The following NAA38 variants were observed in gnomAD, a reference collection of about 807,000 sequenced individuals.
The protein encoded by NAA38 is LSM domain containing 1.
In NAA38, 15 loss-of-function variants were observed where a neutral mutation model predicts 12.6. The observed-to-expected ratio is 1.19, with a 90% CI of 0.79 to 1.83. The LOEUF is 1.83. NAA38 is among the 40% of genes most tolerant of loss of function. NAA38 has a pLI of 0.00. For synonymous variants in NAA38, 88 were observed against 69.9 expected, an observed-to-expected ratio of 1.26 and a Z score of -1.29; for missense variants, 183 against 171.7, an observed-to-expected ratio of 1.07 and a Z score of -0.37.
intron 2 of NAA38, among the ~76,000 whole-genome samples, chr17:7,870,717 A>G (rs1390472147): frequency 6.6e-6 from 1 of 151,942 alleles, no homozygotes; most frequent in Non-Finnish European, 1.5e-5. Flanking sequence ...CCCGGTCTCT[A>G]CTAAAAAAAA....
At chr17:7,874,870 A>G (rs1481226082) in intron 2 of NAA38, among the ~76,000 whole-genome samples, 2 of 125,746 alleles carry the variant, frequency 1.6e-5, no homozygotes, top group Non-Finnish European at 3.3e-5. Flanking sequence ...CGGCAATAAG[A>G]GCAAAACTCC....
chr17:7,873,669 G>A (rs1416049027), intron 2 of NAA38, among the ~76,000 whole-genome samples: 2 of 131,918 alleles, frequency 1.5e-5, no homozygotes, highest in African/African-American at 5.1e-5. Context: ...GAAGGTGGCA[G>A]GGGTGAGACT....
chr17:7,873,461 A>T (rs1220057210), intron 2 of NAA38, among the ~76,000 whole-genome samples: 1 of 152,218 alleles, frequency 6.6e-6, no homozygotes, highest in Non-Finnish European at 1.5e-5. Context: ...AGGGAAGTAG[A>T]CACTGAGGGC....
intron 2 of NAA38, among the ~76,000 whole-genome samples, chr17:7,881,681 G>T (rs1292307073): frequency 6.6e-6 from 1 of 150,476 alleles, no homozygotes; most frequent in Non-Finnish European, 1.5e-5. Context: ...CTAAAGGGAG[G>T]CAAGGGAAAA....
At position 7,856,804 on chromosome 17, in the gene NAA38, G is replaced by A; in HGVS notation, c.305C>T (p.Ala102Val). The A allele has an allele frequency of 6.2e-7, 1 of 1,613,964 alleles. No individual in the cohort carries two copies. The highest frequency in any genetic ancestry group is 8.5e-7 in the Non-Finnish European group (1 of 1,180,026). Residue 102 changes from alanine (A) to valine (V), a missense_variant, in exon 3 of 3, where the codon GCC becomes GTC. By Grantham distance (64) the Ala-to-Val change is moderately conservative. Transcript: ENST00000575771. ...SAGEPRVLGLAMVPGHHIVSI... is the reference protein window; with the variant it reads ...SAGEPRVLGLVMVPGHHIVSI... ...AACGATGTGGTGTCCGGGTACCATG[G>A]CCAGGCCCAGCACACGGGGCTCCCC...
intron 2 of NAA38, among the ~76,000 whole-genome samples, chr17:7,868,784 A>G (rs1339442395): frequency 6.6e-6 from 1 of 152,212 alleles, no homozygotes; most frequent in Non-Finnish European, 1.5e-5. Flanking sequence ...TCCAGGTAAC[A>G]TCTCTCATGA....
intron 2 of NAA38, among the ~76,000 whole-genome samples, chr17:7,873,349 C>A (rs1032659268): frequency 2.0e-5 from 3 of 152,036 alleles, no homozygotes; most frequent in African/African-American, 7.3e-5. Context: ...AGGGGGTGGT[C>A]AAGTGAAGAA....
chr17:7,880,731 C>T (rs1967257396), intron 2 of NAA38, among the ~76,000 whole-genome samples: 1 of 152,180 alleles, frequency 6.6e-6, no homozygotes, highest in South Asian at 2.1e-4. Context: ...CTTTTTAGTA[C>T]TACCGGTGCT....
chr17:7,858,431 A>G (rs2078852143), upstream of NAA38: 1 of 1,614,146 alleles, frequency 6.2e-7, no homozygotes, highest in Non-Finnish European at 8.5e-7. Context: ...CCATCGTGGA[A>G]GTTGCAGGCC....
At chr17:7,863,271 C>T (rs1175049052) in intron 3 of NAA38, 1 of 152,142 alleles carries the variant, frequency 6.6e-6, no homozygotes, top group East Asian at 1.9e-4. Context: ...TAGCCTAAAA[C>T]CCAGAAAGCA....
At chr17:7,870,939 C>G (rs1285615036) in intron 2 of NAA38, among the ~76,000 whole-genome samples, 1 of 151,794 alleles carries the variant, frequency 6.6e-6, no homozygotes, top group East Asian at 1.9e-4. Context: ...GTTGCCCAGG[C>G]TGATCTTGAA....
At chr17:7,868,359 G>A (rs1438365996) in intron 2 of NAA38, among the ~76,000 whole-genome samples, 1 of 152,204 alleles carries the variant, frequency 6.6e-6, no homozygotes, top group Non-Finnish European at 1.5e-5. Flanking sequence ...CAAACAGCAG[G>A]TCATGGTGGC....
chr17:7,874,430 AG>A (rs1379465623), intron 2 of NAA38, among the ~76,000 whole-genome samples: 1 of 152,194 alleles, frequency 6.6e-6, no homozygotes, highest in Non-Finnish European at 1.5e-5. Flanking sequence ...AGATGATGGC[AG>A]GACTAAGCCA....
At chr17:7,860,778 G>C (rs2078877334), upstream of NAA38, 2 of 152,238 alleles carry the variant, frequency 1.3e-5, no homozygotes, top group African/African-American at 4.8e-5. Context: ...GGAAGGCTAA[G>C]TGTCAGTTAA....
At chr17:7,866,149 C>T (rs1315920191) in intron 3 of NAA38, 26 of 169,858 alleles carry the variant, frequency 1.5e-4, no homozygotes, top group African/African-American at 2.0e-4. Context: ...TGCAGCGGCA[C>T]GATCTCGGCT....
At position 7,857,555 on chromosome 17, in the gene NAA38, C is replaced by T; in HGVS notation, c.-92G>A. The T allele has an allele frequency of 2.8e-6, 4 of 1,427,548 alleles. No homozygotes were observed. The highest frequency in any genetic ancestry group is 1.8e-4 in the Middle Eastern group (1 of 5,414). The allele number at this position is 1,427,548 out of a possible 1,614,324, so 88.4% of individuals were successfully genotyped here. On this transcript the variant is annotated 5_prime_UTR_variant, in exon 1 of 3. Transcript: ENST00000575771. Reference sequence around the variant, plus strand: ...CTCGCGAGCGCTCCCGACCTCTTTCCTTTCGCGAGATCCCCTCTCCTCCCC... The same window carrying T: ...CTCGCGAGCGCTCCCGACCTCTTTCTTTTCGCGAGATCCCCTCTCCTCCCC...
At chr17:7,864,414 G>A (rs1232053482) in intron 3 of NAA38, 1 of 152,132 alleles carries the variant, frequency 6.6e-6, no homozygotes, top group Non-Finnish European at 1.5e-5. Context: ...TCAAACTCCC[G>A]AGCTCAGACA....
chr17:7,885,307 CCCGCCGCCG>C (rs939052371), upstream of NAA38: 3,265 of 157,552 alleles, frequency 0.021, 61 homozygotes, highest in Middle Eastern at 0.09. Flanking sequence ...GCACCCCTCC[CCCGCCGCCG>C]CCGCCGCCGC....
At chr17:7,881,052 C>T (rs891699746) in intron 2 of NAA38, among the ~76,000 whole-genome samples, 26 of 152,036 alleles carry the variant, frequency 1.7e-4, no homozygotes, top group African/African-American at 6.0e-4. Context: ...GGGAGGAGTA[C>T]AGCAAAACAC....
Sources: gnomAD v4.1 joint callset for allele counts (sites outside exome capture counted in the v4.1 genomes callset) on GRCh38, gnomAD v4.1.1 for gene constraint, MANE v1.5 for transcripts, NCBI Gene and HGNC (gene_info 2026-07-23, HGNC 2026-07-21) for gene names.